The following ICOS variants were observed in gnomAD, a reference collection of about 807,000 sequenced individuals.
The protein encoded by ICOS is inducible T cell costimulator.
ICOS carries 15 observed loss-of-function variants against 24.6 expected under a neutral mutation model. That is an observed-to-expected ratio of 0.61 (90% CI 0.41 to 0.94). The LOEUF is 0.94. Ranked by LOEUF, ICOS falls within the 40% of genes least tolerant of loss-of-function variation. The pLI, the probability that ICOS is intolerant of heterozygous loss-of-function variation, is 0.00. For synonymous variants in ICOS, 89 were observed against 77.5 expected, an observed-to-expected ratio of 1.15 and a Z score of -0.78; for missense variants, 200 against 233.0, an observed-to-expected ratio of 0.86 and a Z score of 0.92.
Position 203,959,879 on chromosome 2 carries a change from C to T in ICOS, c.*280C>T, listed in dbSNP as rs1053358229. The T allele has an allele frequency of 9.2e-6, 5 of 545,888 alleles. No homozygotes were observed. In the African/African-American group the frequency reaches 9.6e-5, roughly 10 times the overall value. 33.8% of individuals were successfully genotyped at this position (545,888 alleles called of 1,614,324 possible). On this transcript the variant is annotated 3_prime_UTR_variant, in exon 5 of 5. Transcript: ENST00000316386. ...TCACTGGGAGTGGAATCCCTGTCTC[C>T]ACATCTGCTCCTAGCAGTGCATCAG...
At chr2:203,957,960 T>A (rs940859370) in intron 4 of ICOS, 77 bp downstream of exon 4, 20 of 896,262 alleles carry the variant, frequency 2.2e-5, no homozygotes, top group Non-Finnish European at 2.5e-5. Flanking sequence ...TTTTTTTTTT[T>A]AATTTTAAAG....
chr2:203,959,144 G>A lies in ICOS; in HGVS notation c.587-442G>A, dbSNP rs547796410. ...GCTCCATCCTCACTGATTTGGGGTT[G>A]CCTGCGGAGGGCATTAGCTTTCCCT... On this transcript the variant is annotated intron_variant, in intron 4 of 4. Coordinates refer to ENST00000316386, the MANE Select transcript of ICOS (RefSeq NM_012092.4). Among the ~76,000 whole-genome samples, 86 of 152,288 alleles carry A rather than the reference G, an allele frequency of 5.6e-4. 1 individual carries two copies. Among genetic ancestry groups the A allele is most frequent in the African/African-American group, 1.9e-3 (81 of 41,554 alleles).
chr2:203,959,500 G>A, intron 4 of ICOS, 86 bp from the exon 5 acceptor site: 1 of 1,086,458 alleles, frequency 9.2e-7, no homozygotes, highest in Non-Finnish European at 1.4e-6. Flanking sequence ...TTGTGTGTAT[G>A]AAAGGCAATG....
At position 203,959,711 on chromosome 2, in the gene ICOS, C is replaced by A; in HGVS notation, c.*112C>A. The A allele has an allele frequency of 1.1e-6, 1 of 945,152 alleles. No homozygotes were observed. The highest frequency in any genetic ancestry group is 1.7e-6 in the Non-Finnish European group (1 of 578,880). The allele number at this position is 945,152 out of a possible 1,614,324, so 58.5% of individuals were successfully genotyped here. ...GAGAGTCTGACTTAACTACATACAT[C>A]TTCTGCTGGTGTTTTGTTCAATCTG... On this transcript the variant is annotated 3_prime_UTR_variant, in exon 5 of 5. Transcript: ENST00000316386.
chr2:203,951,560 G>A (rs1486290981), intron 1 of ICOS, among the ~76,000 whole-genome samples: 4 of 152,058 alleles, frequency 2.6e-5, no homozygotes, highest in Non-Finnish European at 5.9e-5. Flanking sequence ...ACACTGCACC[G>A]CCAACCATTC....
rs1690151755 is a variant in ICOS, at chr2:203,960,129, A to G, written c.*530A>G. 1 of 189,682 alleles carries G rather than the reference A, an allele frequency of 5.3e-6. No individual in the cohort carries two copies. The highest frequency in any genetic ancestry group is 5.3e-5 in the Admixed American group (1 of 18,750). 11.7% of individuals were successfully genotyped at this position (189,682 alleles called of 1,614,324 possible). On this transcript the variant is annotated 3_prime_UTR_variant, in exon 5 of 5. Transcript: ENST00000316386. ...ATGTTGATGTGAACTGTACATTAGT[A>G]CATACTCAGTACTCTCCTTCAATTG...
At chr2:203,948,766 A>G (rs1196763877) in intron 1 of ICOS, among the ~76,000 whole-genome samples, 2 of 152,252 alleles carry the variant, frequency 1.3e-5, no homozygotes, top group Non-Finnish European at 2.9e-5. Context: ...TCACTGAAGA[A>G]GTGTCATTAC....
intron 1 of ICOS, among the ~76,000 whole-genome samples, chr2:203,938,443 G>C (rs1350536615): frequency 6.6e-6 from 1 of 152,218 alleles, no homozygotes; most frequent in Non-Finnish European, 1.5e-5. Context: ...CACAAAGAGG[G>C]AAGAGGCTGA....
chr2:203,958,468 T>A lies in ICOS; in HGVS notation c.586+585T>A, dbSNP rs972208253. Among the ~76,000 whole-genome samples the A allele has an allele frequency of 5.9e-5, 9 of 152,172 alleles. No individual in the cohort carries two copies. The East Asian group carries it at 1.2e-3, about 20-fold the overall frequency. On this transcript the variant is annotated intron_variant, in intron 4 of 4. Transcript: ENST00000316386. ...GAAATTTGACCTTTTCTGTTAAGAGTCAGAAAACTGAAAGTTGCCAAGTTT... is the reference window on the plus strand; with the variant it reads ...GAAATTTGACCTTTTCTGTTAAGAGACAGAAAACTGAAAGTTGCCAAGTTT...
rs943490317 is a variant in ICOS, at chr2:203,960,279, T to G, written c.*680T>G. On this transcript the variant is annotated 3_prime_UTR_variant, in exon 5 of 5. Coordinates refer to ENST00000316386, the MANE Select transcript of ICOS (RefSeq NM_012092.4). ...CAGCCACTCTCAATAGAGAGCTATG[T>G]CTTACATTCTTTCCTCTGCTGCTCA... 2 of 156,818 alleles carry G rather than the reference T, an allele frequency of 1.3e-5. No individual in the cohort carries two copies. Among genetic ancestry groups the G allele is most frequent in the Non-Finnish European group, 2.8e-5 (2 of 70,660 alleles). 9.7% of individuals were successfully genotyped at this position (156,818 alleles called of 1,614,324 possible). A position where few individuals can be genotyped will look rare whatever the true frequency, so the allele number is the denominator to read the frequency against.
intron 1 of ICOS, among the ~76,000 whole-genome samples, chr2:203,948,485 C>T (rs950549260): frequency 1.3e-5 from 2 of 152,176 alleles, no homozygotes; most frequent in African/African-American, 4.8e-5. Flanking sequence ...TCTATATATT[C>T]ATTTGTTCGC....
chr2:203,959,853 C>T lies in ICOS; in HGVS notation c.*254C>T. 1.7e-6 allele frequency: 1 copy of T among 575,520 alleles called. No homozygotes were observed. The highest frequency in any genetic ancestry group is 3.0e-5 in the East Asian group (1 of 33,194). The allele number at this position is 575,520 out of a possible 1,614,324, so 35.7% of individuals were successfully genotyped here. A position where few individuals can be genotyped will look rare whatever the true frequency, so the allele number is the denominator to read the frequency against. Reference sequence around the variant, plus strand: ...TTGGAGAAAGCCCAGCTCCTGTGTGCTCACTGGGAGTGGAATCCCTGTCTC... The same window carrying T: ...TTGGAGAAAGCCCAGCTCCTGTGTGTTCACTGGGAGTGGAATCCCTGTCTC... On this transcript the variant is annotated 3_prime_UTR_variant, in exon 5 of 5. Transcript: ENST00000316386.
intron 4 of ICOS, 61 bp from the exon 5 acceptor site, chr2:203,959,525 T>C (rs1342043247): frequency 6.8e-7 from 1 of 1,475,798 alleles, no homozygotes. Context: ...GGGGAAAGCT[T>C]CTTGTAGGGA....
intron 1 of ICOS, among the ~76,000 whole-genome samples, chr2:203,951,852 T>C (rs4521021): frequency 0.26 from 38,991 of 152,072 alleles, 5,873 homozygotes; most frequent in African/African-American, 0.39. Context: ...CAACATATTT[T>C]ACTGTCAGAC....
At chr2:203,951,676 G>C (rs143072823) in intron 1 of ICOS, among the ~76,000 whole-genome samples, 2 of 152,284 alleles carry the variant, frequency 1.3e-5, no homozygotes, top group African/African-American at 4.8e-5. Context: ...TGTATACATG[G>C]TGACCACAGA....
At position 203,944,614 on chromosome 2, in the gene ICOS, T is replaced by G. The variant is rs184778361; in HGVS notation, c.58+7742T>G. Among the ~76,000 whole-genome samples the G allele has an allele frequency of 4.8e-3, 732 of 152,336 alleles. 1 individual carries two copies. Among genetic ancestry groups the G allele is most frequent in the Admixed American group, 0.011 (166 of 15,300 alleles). On this transcript the variant is annotated intron_variant, in intron 1 of 4. Coordinates refer to ENST00000316386, the MANE Select transcript of ICOS (RefSeq NM_012092.4). ...CTTTATATTCTTCTGTTAATATTAA[T>G]TCTTTTATTTAATATGATTGAGCTT...
At chr2:203,940,384 C>T (rs1477124044) in intron 1 of ICOS, among the ~76,000 whole-genome samples, 1 of 152,196 alleles carries the variant, frequency 6.6e-6, no homozygotes, top group Non-Finnish European at 1.5e-5. Flanking sequence ...CGTTCAATGA[C>T]AACATCATTC....
At chr2:203,959,409 T>A (rs1237890938) in intron 4 of ICOS, among the ~76,000 whole-genome samples, 177 bp from the exon 5 acceptor site, 1 of 151,908 alleles carries the variant, frequency 6.6e-6, no homozygotes, top group Admixed American at 6.6e-5. Flanking sequence ...GGGGAACTGG[T>A]GCTGGGTGTT....
At chr2:203,941,298 A>C (rs1689771285) in intron 1 of ICOS, among the ~76,000 whole-genome samples, 1 of 152,200 alleles carries the variant, frequency 6.6e-6, no homozygotes, top group African/African-American at 2.4e-5. Context: ...ATTTGTGAAC[A>C]AAATGGCTTT....
Sources: gnomAD v4.1 joint callset for allele counts (sites outside exome capture counted in the v4.1 genomes callset) on GRCh38, gnomAD v4.1.1 for gene constraint, MANE v1.5 for transcripts, NCBI Gene and HGNC (gene_info 2026-07-23, HGNC 2026-07-21) for gene names.